The following ARHGEF28 variants were observed in gnomAD, a reference collection of about 807,000 sequenced individuals.
ARHGEF28 encodes the protein Rho guanine nucleotide exchange factor 28.
ARHGEF28 carries 152 observed loss-of-function variants against 206.6 expected under a neutral mutation model. The ratio of observed to expected loss-of-function variants is 0.74; its 90% CI spans 0.64 to 0.84. The LOEUF is 0.84. ARHGEF28 is among the 40% of genes least tolerant of loss of function. ARHGEF28 has a pLI of 0.00. For missense variants in ARHGEF28, 2,028 were observed against 2,073.2 expected, an observed-to-expected ratio of 0.98 and a Z score of 0.42; for synonymous variants, 763 against 776.4, an observed-to-expected ratio of 0.98 and a Z score of 0.29.
At chr5:73,780,834 G>A (rs1753807038) in intron 7 of ARHGEF28, 89 bp downstream of exon 7, 26 of 1,433,062 alleles carry the variant, frequency 1.8e-5, no homozygotes, top group Non-Finnish European at 2.4e-5. Context: ...GGTGAAGCCG[G>A]CCAGGAATCA....
intron 4 of ARHGEF28, among the ~76,000 whole-genome samples, chr5:73,753,606 CAT>C (rs1469751628): frequency 6.6e-6 from 1 of 152,218 alleles, no homozygotes; most frequent in Non-Finnish European, 1.5e-5. Context: ...ACCTGGAAGA[CAT>C]GTGACCACAT....
intron 22 of ARHGEF28, among the ~76,000 whole-genome samples, chr5:73,875,945 A>G (rs1012704132): frequency 3.2e-4 from 49 of 151,978 alleles, no homozygotes; most frequent in Admixed American, 2.7e-3. Context: ...AGTTTTTTCC[A>G]ATTCTGTGAA....
Position 73,909,727 on chromosome 5 carries a change from C to A in ARHGEF28, c.4477C>A (p.Leu1493Met). The change falls in exon 34 of 36, where the codon CTG becomes ATG. Residue 1493 changes from leucine to methionine, a missense_variant. Physicochemically the swap from Leu to Met is conservative, Grantham distance 15 (BLOSUM62 2). This residue lies in a region of ARHGEF28 where 803 missense variants were observed against 768.0 expected (regional missense o/e 1.05). Coordinates refer to ENST00000513042, the MANE Select transcript of ARHGEF28 (RefSeq NM_001177693.2). ...EELLLRSRGE[L>M]DLQLQEYQHS... ...GCTGCTGCTGCGGAGCCGGGGCGAGCTGGACCTCCAGCTCCAGGAGTACCA... is the reference window on the plus strand; with the variant it reads ...GCTGCTGCTGCGGAGCCGGGGCGAGATGGACCTCCAGCTCCAGGAGTACCA... 3 of 1,517,528 alleles carry A rather than the reference C, an allele frequency of 2.0e-6. No homozygotes were observed. The highest frequency in any genetic ancestry group is 2.7e-6 in the Non-Finnish European group (3 of 1,131,958). The allele number at this position is 1,517,528 out of a possible 1,614,324, so 94.0% of individuals were successfully genotyped here.
intron 35 of ARHGEF28, among the ~76,000 whole-genome samples, chr5:73,940,618 C>A (rs1742545843): frequency 6.6e-6 from 1 of 152,174 alleles, no homozygotes; most frequent in African/African-American, 2.4e-5. Context: ...TGAACAGTAA[C>A]CCATATTTAG....
In ARHGEF28 at chr5:73,770,814, C is replaced by T. The variant is rs112002377; in HGVS notation, c.476-3041C>T. Among the ~76,000 whole-genome samples, 110 of 152,272 alleles carry T rather than the reference C, an allele frequency of 7.2e-4. 2 individuals are homozygous for T. Among genetic ancestry groups the T allele is most frequent in the African/African-American group, 2.4e-3 (100 of 41,558 alleles). ...CTCTTCCCCTGCCTTACCTCCTCCCCGGGAAGTGGGTAGATTCTCAGAAAG... is the reference window on the plus strand; with the variant it reads ...CTCTTCCCCTGCCTTACCTCCTCCCTGGGAAGTGGGTAGATTCTCAGAAAG... On this transcript the variant is annotated intron_variant, in intron 4 of 35. Transcript: ENST00000513042.
At chr5:73,784,423 G>A (rs1377842323) in intron 7 of ARHGEF28, among the ~76,000 whole-genome samples, 1 of 152,040 alleles carries the variant, frequency 6.6e-6, no homozygotes, top group Admixed American at 6.5e-5. Flanking sequence ...TATTTCAAAT[G>A]AATGGCCAAA....
intron 30 of ARHGEF28, 37 bp downstream of exon 30, chr5:73,898,130 C>T (rs1469198728): frequency 1.9e-6 from 3 of 1,604,140 alleles, no homozygotes; most frequent in Non-Finnish European, 2.6e-6. Context: ...TGAGCCTGAG[C>T]ACAGTCCCTG....
intron 1 of ARHGEF28, among the ~76,000 whole-genome samples, chr5:73,675,083 A>G (rs1429635716): frequency 6.6e-6 from 1 of 152,218 alleles, no homozygotes; most frequent in African/African-American, 2.4e-5. Flanking sequence ...GTCAGAGCAC[A>G]GGTGAAACAA....
intron 9 of ARHGEF28, among the ~76,000 whole-genome samples, chr5:73,811,993 A>G (rs1431049259): frequency 6.6e-6 from 1 of 152,060 alleles, no homozygotes; most frequent in African/African-American, 2.4e-5. Flanking sequence ...AAAAAAAAAA[A>G]AAAAAGCCAC....
At chr5:73,657,993 AT>A (rs746536684) in intron 1 of ARHGEF28, among the ~76,000 whole-genome samples, 38 of 152,142 alleles carry the variant, frequency 2.5e-4, no homozygotes, top group Non-Finnish European at 5.4e-4. Flanking sequence ...TCTTTATTTT[AT>A]GACTTTGGGA....
At position 73,698,086 on chromosome 5, in the gene ARHGEF28, C is replaced by T. The variant is rs114559762; in HGVS notation, c.33+13202C>T. Among the ~76,000 whole-genome samples the T allele has an allele frequency of 2.0e-5, 3 of 152,114 alleles. No homozygotes were observed. In the East Asian group the frequency reaches 5.8e-4, roughly 29 times the overall value. On this transcript the variant is annotated intron_variant, in intron 2 of 35. Transcript: ENST00000513042. ...ATTGAAAGTGAGTATTCATTTATAACGATAAATAACAAATCTTAAAAAGCT... is the reference window on the plus strand; with the variant it reads ...ATTGAAAGTGAGTATTCATTTATAATGATAAATAACAAATCTTAAAAAGCT...
At chr5:73,805,043 G>A (rs1358737371) in intron 9 of ARHGEF28, among the ~76,000 whole-genome samples, 2 of 152,144 alleles carry the variant, frequency 1.3e-5, no homozygotes, top group African/African-American at 2.4e-5. Flanking sequence ...AATCATTTAT[G>A]TATGCCTGTA....
intron 2 of ARHGEF28, among the ~76,000 whole-genome samples, chr5:73,703,913 A>AT (rs1418168523): frequency 3.3e-5 from 5 of 151,778 alleles, no homozygotes; most frequent in African/African-American, 1.2e-4. Flanking sequence ...AGTCCCAGCT[A>AT]TTTGGGAGGA....
At position 73,867,739 on chromosome 5, in the gene ARHGEF28, G is replaced by C. The variant is rs1029023401; in HGVS notation, c.2153-137G>C. On this transcript the variant is annotated intron_variant, in intron 18 of 35. Coordinates refer to ENST00000513042, the MANE Select transcript of ARHGEF28 (RefSeq NM_001177693.2). ...GGAGCAAGTGTCAGGATCTAGCAGG[G>C]AGACTGGTTTTAAGGCAGAGCATGC... 16 of 1,157,976 alleles carry C rather than the reference G, an allele frequency of 1.4e-5. No individual in the cohort carries two copies. The African/African-American group carries it at 2.3e-4, about 17-fold the overall frequency. The allele number at this position is 1,157,976 out of a possible 1,614,324, so 71.7% of individuals were successfully genotyped here.
chr5:73,636,392 T>A (rs1480712830), intron 1 of ARHGEF28, among the ~76,000 whole-genome samples: 2 of 152,230 alleles, frequency 1.3e-5, no homozygotes, highest in East Asian at 3.8e-4. Flanking sequence ...ATTTGGATAT[T>A]GTTTATTAGA....
At chr5:73,671,504 G>A (rs1402538383) in intron 1 of ARHGEF28, among the ~76,000 whole-genome samples, 1 of 151,682 alleles carries the variant, frequency 6.6e-6, no homozygotes, top group Non-Finnish European at 1.5e-5. Flanking sequence ...TTGTCTATGT[G>A]ATTTATTACT....
chr5:73,937,178 C>T (rs963118333), intron 35 of ARHGEF28, among the ~76,000 whole-genome samples: 2 of 152,168 alleles, frequency 1.3e-5, no homozygotes, highest in Non-Finnish European at 2.9e-5. Context: ...TATTTCCTGT[C>T]CCACATGCCC....
chr5:73,861,186 T>C (rs898779706), intron 16 of ARHGEF28, among the ~76,000 whole-genome samples: 3 of 151,802 alleles, frequency 2.0e-5, no homozygotes, highest in Admixed American at 2.0e-4. Flanking sequence ...CATGCAGAGC[T>C]GGCGACCAGT....
intron 35 of ARHGEF28, chr5:73,923,022 A>G (rs1763603018): frequency 7.1e-7 from 1 of 1,411,714 alleles, no homozygotes; most frequent in Non-Finnish European, 9.6e-7. Flanking sequence ...CACAATGAAT[A>G]TTTTGGCCAA....
Sources: allele counts gnomAD v4.1 joint callset (sites outside exome capture counted in the v4.1 genomes callset), GRCh38; gene constraint gnomAD v4.1.1; regional missense constraint gnomAD v4.1.1; transcripts MANE v1.5; gene names NCBI Gene and HGNC (gene_info 2026-07-23, HGNC 2026-07-21).